Variants in SOCS7 observed in about 807,000 individuals in gnomAD.
SOCS7 encodes the protein suppressor of cytokine signaling 7.
SOCS7 carries 18 observed loss-of-function variants against 58.9 expected under a neutral mutation model. The ratio of observed to expected loss-of-function variants is 0.31; its 90% CI spans 0.21 to 0.45. The LOEUF (loss-of-function observed/expected upper bound fraction) is 0.45. Ranked by LOEUF, SOCS7 falls within the 20% of genes least tolerant of loss-of-function variation. SOCS7 has a pLI of 1.00. For missense variants in SOCS7, 667 were observed against 837.3 expected (o/e 0.80, Z 2.51); for synonymous variants, 388 against 364.3 (o/e 1.06, Z -0.74).
rs1261131163 is a variant in SOCS7 at position 38,366,162 on chromosome 17, C to A, written c.1253-125C>A. 5.0e-6 allele frequency: 7 copies of A among 1,390,520 alleles called. No individual in the cohort carries two copies. In the African/African-American group the frequency reaches 8.7e-5, roughly 17 times the overall value. The allele number at this position is 1,390,520 out of a possible 1,614,324, so 86.1% of individuals were successfully genotyped here. ...TCTTTGCCACTGCTTTGGCTTCTACCCTTTCCAGCTTAGCTTCTAATGCCT... is the reference window on the plus strand; with the variant it reads ...TCTTTGCCACTGCTTTGGCTTCTACACTTTCCAGCTTAGCTTCTAATGCCT... On this transcript the variant is annotated intron_variant, in intron 4 of 9. Transcript: ENST00000612932.
Position 38,361,719 on chromosome 17 carries a change from A to C in SOCS7, c.989A>C (p.Lys330Thr). ...GRELDAGRKP[K>T]LTRTQSAFSP... ...GCTTTCTCACTCCCTAGGAAACCCA[A>C]GTTGACAAGAACTCAAAGTGCCTTT... Residue 330 changes from lysine (K) to threonine (T), a missense_variant, in exon 2 of 10, where the codon AAG becomes ACG. Physicochemically the swap from Lys to Thr is moderately conservative, Grantham distance 78. Transcript: ENST00000612932. The C allele has an allele frequency of 6.2e-7, 1 of 1,613,600 alleles. No individual in the cohort carries two copies. The highest frequency in any genetic ancestry group is 8.5e-7 in the Non-Finnish European group (1 of 1,179,634).
chr17:38,391,839 T>C (rs568028324), intron 7 of SOCS7, among the ~76,000 whole-genome samples: 1 of 152,226 alleles, frequency 6.6e-6, no homozygotes, highest in African/African-American at 2.4e-5. Context: ...ATGTGATTCC[T>C]TATCTGATTC....
At chr17:38,357,239 A>G (rs2144313209) in intron 1 of SOCS7, among the ~76,000 whole-genome samples, 1 of 152,276 alleles carries the variant, frequency 6.6e-6, no homozygotes, top group South Asian at 2.1e-4. Flanking sequence ...GTCTAAAGGG[A>G]TCTTTTTGAG....
chr17:38,377,371 A>G (rs1400941152), intron 6 of SOCS7, among the ~76,000 whole-genome samples: 1 of 152,218 alleles, frequency 6.6e-6, no homozygotes, highest in Non-Finnish European at 1.5e-5. Context: ...AGAGTTTTGG[A>G]TTAGTAATGT....
rs896497067 is a variant in SOCS7 at position 38,401,662 on chromosome 17, C to G, written c.*2180C>G. 6.6e-6 allele frequency: 1 copy of G among 152,068 alleles called. No individual in the cohort carries two copies. Among genetic ancestry groups the G allele is most frequent in the African/African-American group, 2.4e-5 (1 of 41,386 alleles). 9.4% of individuals were successfully genotyped at this position (152,068 alleles called of 1,614,324 possible). A position where few individuals can be genotyped will look rare whatever the true frequency, so the allele number is the denominator to read the frequency against. ...TATAGTAGATAAGATCAGGGTAGACCAGATGGTCTGGGAAAGTTCTGTGCC... is the reference window on the plus strand; with the variant it reads ...TATAGTAGATAAGATCAGGGTAGACGAGATGGTCTGGGAAAGTTCTGTGCC... On this transcript the variant is annotated 3_prime_UTR_variant, in exon 10 of 10. Transcript: ENST00000612932.
intron 9 of SOCS7, among the ~76,000 whole-genome samples, chr17:38,397,526 G>A (rs893365495): frequency 6.6e-6 from 1 of 152,174 alleles, no homozygotes; most frequent in Admixed American, 6.5e-5. Context: ...AGCAAAAAGA[G>A]ACATGGATAA....
rs2144414266 is a variant in SOCS7 at position 38,400,132 on chromosome 17, A to G, written c.*650A>G. On this transcript the variant is annotated 3_prime_UTR_variant, in exon 10 of 10. Coordinates refer to ENST00000612932, the MANE Select transcript of SOCS7 (RefSeq NM_014598.4). ...TTGGCCTTAGCTGGGAGAAGTAGTG[A>G]CTCCTGCATCCTTTTTTAAGGTTTA... 6.6e-6 allele frequency: 1 copy of G among 152,096 alleles called. No individual in the cohort carries two copies. Among genetic ancestry groups the G allele is most frequent in the South Asian group, 2.1e-4 (1 of 4,810 alleles). The allele number at this position is 152,096 out of a possible 1,614,324, so 9.4% of individuals were successfully genotyped here. A position where few individuals can be genotyped will look rare whatever the true frequency, so the allele number is the denominator to read the frequency against.
intron 7 of SOCS7, among the ~76,000 whole-genome samples, chr17:38,388,349 T>TA (rs896134671): frequency 1.4e-3 from 196 of 143,960 alleles, no homozygotes; most frequent in Admixed American, 2.3e-3. Context: ...CCCATCTTGA[T>TA]AAAAAAAAAA....
At position 38,351,848 on chromosome 17, in the gene SOCS7, TG is replaced by T. The variant is rs1164772925; in HGVS notation, c.-200del. On this transcript the variant is annotated 5_prime_UTR_variant, in exon 1 of 10. Coordinates refer to ENST00000612932, the MANE Select transcript of SOCS7 (RefSeq NM_014598.4). ...AGCCCTTCCGGAAGTGACGTCGGCT[TG>T]GGGGCGGTGCTCGGCGGTGGCGGAG... is the stretch of plus-strand genomic sequence containing the variant. 6.7e-6 allele frequency among the ~76,000 whole-genome samples: 1 copy of T among 149,232 alleles called. No individual in the cohort carries two copies. Among genetic ancestry groups the T allele is most frequent in the Non-Finnish European group, 1.5e-5 (1 of 67,394 alleles).
intron 7 of SOCS7, among the ~76,000 whole-genome samples, chr17:38,386,061 A>C (rs1182465559): frequency 6.6e-6 from 1 of 152,132 alleles, no homozygotes; most frequent in Non-Finnish European, 1.5e-5. Context: ...GCGGTGGCTC[A>C]GGCCTGTAAT....
intron 7 of SOCS7, among the ~76,000 whole-genome samples, chr17:38,394,022 T>C (rs2038212943): frequency 6.6e-6 from 1 of 152,256 alleles, no homozygotes; most frequent in Admixed American, 6.5e-5. Flanking sequence ...TGAGAATTCT[T>C]TGACAGGTTT....
chr17:38,360,256 G>A (rs939717555), intron 1 of SOCS7, among the ~76,000 whole-genome samples: 1 of 151,364 alleles, frequency 6.6e-6, no homozygotes, highest in Non-Finnish European at 1.5e-5. Context: ...GAGTGCAGTG[G>A]TGTGATCTTG....
At chr17:38,396,093 A>C in intron 9 of SOCS7, 95 bp downstream of exon 9, 6 of 1,035,190 alleles carry the variant, frequency 5.8e-6, no homozygotes, top group Non-Finnish European at 6.7e-6. Flanking sequence ...AACTCCCAAC[A>C]TGGATAGCCC....
intron 1 of SOCS7, among the ~76,000 whole-genome samples, chr17:38,361,415 A>G (rs987312874): frequency 6.6e-6 from 1 of 152,176 alleles, no homozygotes; most frequent in Non-Finnish European, 1.5e-5. Flanking sequence ...CTTGAAATGG[A>G]CTTGCTAATT....
chr17:38,393,561 T>C (rs1324087967), intron 7 of SOCS7, among the ~76,000 whole-genome samples: 2 of 150,904 alleles, frequency 1.3e-5, no homozygotes, highest in East Asian at 3.9e-4. Flanking sequence ...CGCTTGAACC[T>C]AGGAGTTGGA....
At chr17:38,384,202 C>A (rs927155941) in intron 7 of SOCS7, among the ~76,000 whole-genome samples, 1 of 152,208 alleles carries the variant, frequency 6.6e-6, no homozygotes. Flanking sequence ...TATCCATCAC[C>A]CAGCCCCAGC....
At chr17:38,368,071 A>G (rs2037814910) in intron 6 of SOCS7, 21 bp downstream of exon 6, 12 of 1,565,922 alleles carry the variant, frequency 7.7e-6, no homozygotes, top group Non-Finnish European at 9.6e-6. Context: ...CTGGTAAGAG[A>G]GGCTTCTTCC....
intron 1 of SOCS7, among the ~76,000 whole-genome samples, chr17:38,354,566 G>A (rs1555566604): frequency 6.6e-6 from 1 of 152,152 alleles, no homozygotes; most frequent in Admixed American, 6.6e-5. Context: ...CTTTAGGTAG[G>A]CCAGTGTTTC....
In SOCS7 at chr17:38,395,911, T is replaced by C; in HGVS notation, c.1881T>C (p.Ser627=). 1.9e-6 allele frequency: 3 copies of C among 1,611,974 alleles called. No individual in the cohort carries two copies. The highest frequency in any genetic ancestry group is 2.5e-6 in the Non-Finnish European group (3 of 1,179,536). Residue 627 remains serine, a synonymous_variant, in exon 9 of 10, where the codon TCT becomes TCC. Transcript: ENST00000612932. ...ATCCTCAGGAAGAGGTATACCTGTC[T>C]CTAAAGGAAGCGCAGCTCATTTCCA... ...YYDPQEEVYL[S]LKEAQLISKQ...
Sources: allele counts gnomAD v4.1 joint callset (sites outside exome capture counted in the v4.1 genomes callset), GRCh38; gene constraint gnomAD v4.1.1; transcripts MANE v1.5; gene names NCBI Gene and HGNC (gene_info 2026-07-23, HGNC 2026-07-21).